HOMER2: variants seen among roughly 807,000 people sequenced by gnomAD.
HOMER2 encodes homer scaffold protein 2, also known as homer protein homolog 2.
A neutral mutation model predicts 47.0 loss-of-function variants in HOMER2; 27 were observed. That is an observed-to-expected ratio of 0.57 (90% CI 0.42 to 0.79). HOMER2 has a LOEUF of 0.79. Ranked by LOEUF, HOMER2 falls within the 30% of genes least tolerant of loss-of-function variation. The pLI, the probability that HOMER2 is intolerant of heterozygous loss-of-function variation, is 0.00. For synonymous variants in HOMER2, 161 were observed against 163.8 expected (o/e 0.98, Z 0.13); for missense variants, 443 against 435.0 (o/e 1.02, Z -0.16).
chr15:82,920,832 G>A (rs2053709337), intron 1 of HOMER2, among the ~76,000 whole-genome samples: 1 of 151,832 alleles, frequency 6.6e-6, no homozygotes, highest in Admixed American at 6.6e-5. Context: ...CTACCACTCT[G>A]GGGGTAAAAC....
At chr15:82,896,524 C>A (rs1774831171) in intron 1 of HOMER2, among the ~76,000 whole-genome samples, 1 of 152,200 alleles carries the variant, frequency 6.6e-6, no homozygotes, top group Admixed American at 6.5e-5. Context: ...GCTCACCTGG[C>A]CACACTCTTG....
chr15:82,934,112 C>T (rs1162694478), intron 1 of HOMER2, among the ~76,000 whole-genome samples: 1 of 152,132 alleles, frequency 6.6e-6, no homozygotes, highest in East Asian at 1.9e-4. Flanking sequence ...TCCCTGAGAG[C>T]AACACTCCCC....
At chr15:82,890,770 C>T (rs1190201251) in intron 2 of HOMER2, among the ~76,000 whole-genome samples, 1 of 152,176 alleles carries the variant, frequency 6.6e-6, no homozygotes, top group Non-Finnish European at 1.5e-5. Flanking sequence ...AGTACAAACC[C>T]ATCGAAGGAT....
intron 1 of HOMER2, among the ~76,000 whole-genome samples, chr15:82,939,783 C>T (rs1205642534): frequency 1.3e-5 from 2 of 152,188 alleles, no homozygotes; most frequent in Non-Finnish European, 2.9e-5. Context: ...CTCTTAAGCC[C>T]AGTCTCTTCA....
At chr15:82,969,441 T>C (rs978186342) in intron 1 of HOMER2, among the ~76,000 whole-genome samples, 2 of 152,214 alleles carry the variant, frequency 1.3e-5, no homozygotes, top group African/African-American at 4.8e-5. Context: ...ACGATTCTTA[T>C]GGCTGCCTAG....
At chr15:82,909,667 G>A (rs1339817606) in intron 1 of HOMER2, among the ~76,000 whole-genome samples, 1 of 152,146 alleles carries the variant, frequency 6.6e-6, no homozygotes, top group Non-Finnish European at 1.5e-5. Context: ...ACTTTAAAAT[G>A]GAGAACAAAG....
chr15:82,857,335 A>G (rs1007908191), intron 5 of HOMER2, among the ~76,000 whole-genome samples: 9 of 148,972 alleles, frequency 6.0e-5, no homozygotes, highest in African/African-American at 2.2e-4. Context: ...CAGAACTGTG[A>G]GAAGTAAAGG....
At chr15:82,853,495 G>A (rs2051466250) in intron 6 of HOMER2, among the ~76,000 whole-genome samples, 1 of 152,160 alleles carries the variant, frequency 6.6e-6, no homozygotes, top group Non-Finnish European at 1.5e-5. Flanking sequence ...TGTGACAGAG[G>A]GCTGGGATGC....
At chr15:82,911,235 T>G (rs2053444912) in intron 1 of HOMER2, among the ~76,000 whole-genome samples, 2 of 152,210 alleles carry the variant, frequency 1.3e-5, no homozygotes, top group Non-Finnish European at 2.9e-5. Flanking sequence ...CTTTTATAAC[T>G]TAAGAAAATT....
At chr15:82,967,206 GC>G (rs1373627886) in intron 1 of HOMER2, among the ~76,000 whole-genome samples, 3 of 151,996 alleles carry the variant, frequency 2.0e-5, no homozygotes, top group African/African-American at 7.3e-5. Flanking sequence ...AGCTATGACT[GC>G]CCCACTCCAC....
intron 2 of HOMER2, among the ~76,000 whole-genome samples, chr15:82,889,815 G>C (rs968651949): frequency 2.0e-5 from 3 of 152,350 alleles, no homozygotes; most frequent in South Asian, 4.1e-4. Flanking sequence ...CAGGTCGAGA[G>C]AGGGCCCAGC....
At chr15:82,847,699 T>TG (rs2151590036), downstream of HOMER2, among the ~76,000 whole-genome samples, 1 of 152,372 alleles carries the variant, frequency 6.6e-6, no homozygotes, top group East Asian at 1.9e-4. Flanking sequence ...ATAAGTCACC[T>TG]GATAAAGGCA....
At chr15:82,843,581 C>G (rs1180266046) in exon 2 of HOMER2, 2 of 132,262 alleles carry the variant, frequency 1.5e-5, no homozygotes, top group Non-Finnish European at 1.6e-5. Flanking sequence ...AATGTCTAAA[C>G]GTTTTTAAAA....
Position 82,906,725 on chromosome 15 carries a change from C to T in HOMER2, c.6-13884G>A, listed in dbSNP as rs185484657. Among the ~76,000 whole-genome samples the T allele has an allele frequency of 4.6e-5, 7 of 152,204 alleles. 1 individual carries two copies. In the South Asian group the frequency reaches 6.2e-4, roughly 14 times the overall value. The stretch of plus-strand genomic sequence containing the variant: ...CTAGGATTACAGGCGTGAGCCACCG[C>T]GCCCAGCCACAAGAAACCCACTTTA... On this transcript the variant is annotated intron_variant, in intron 1 of 8. Coordinates refer to ENST00000450735, the MANE Select transcript of HOMER2 (RefSeq NM_004839.4).
At chr15:82,952,802 G>C, upstream of HOMER2, 1 of 744,752 alleles carries the variant, frequency 1.3e-6, no homozygotes, top group Non-Finnish European at 1.6e-6. Flanking sequence ...GGCTCCTTAC[G>C]TAACCTCGTG....
At chr15:82,910,351 C>T (rs112691847) in intron 1 of HOMER2, among the ~76,000 whole-genome samples, 27 of 152,006 alleles carry the variant, frequency 1.8e-4, no homozygotes, top group Non-Finnish European at 3.5e-4. Flanking sequence ...AAAGAAGGAA[C>T]GCTGCCGAGG....
At chr15:82,953,935 G>A (rs1489613143), upstream of HOMER2, among the ~76,000 whole-genome samples, 1 of 151,782 alleles carries the variant, frequency 6.6e-6, no homozygotes, top group Non-Finnish European at 1.5e-5. Context: ...GTGTGGTGGC[G>A]TGCTCCTGTA....
At chr15:82,855,162 C>T (rs1268341215) in intron 5 of HOMER2, among the ~76,000 whole-genome samples, 1 of 151,824 alleles carries the variant, frequency 6.6e-6, no homozygotes, top group African/African-American at 2.4e-5. Flanking sequence ...TGGTGAAAAC[C>T]TGTCTCTACT....
intron 1 of HOMER2, among the ~76,000 whole-genome samples, chr15:82,929,434 A>T (rs186470685): frequency 1.8e-4 from 28 of 151,970 alleles, no homozygotes; most frequent in African/African-American, 6.3e-4. Flanking sequence ...GGCGGGTGGA[A>T]CACCTGAGGT....
Sources: allele counts gnomAD v4.1 joint callset (sites outside exome capture counted in the v4.1 genomes callset), GRCh38; gene constraint gnomAD v4.1.1; transcripts MANE v1.5; gene names NCBI Gene and HGNC (gene_info 2026-07-23, HGNC 2026-07-21).